The following KCNH4 variants were observed in gnomAD, a reference collection of about 807,000 sequenced individuals.
The protein encoded by KCNH4 is potassium voltage-gated channel subfamily H member 4, also known as voltage-gated delayed rectifier potassium channel KCNH4.
KCNH4 carries 33 observed loss-of-function variants against 90.7 expected under a neutral mutation model. The observed-to-expected ratio is 0.36, with a 90% CI of 0.28 to 0.49. The LOEUF is 0.49. Among genes scored for constraint, KCNH4 ranks in the 20% least tolerant of loss-of-function variants. KCNH4 has a pLI of 0.98. For synonymous variants in KCNH4, 551 were observed against 581.7 expected (o/e 0.95, Z 0.76); for missense variants, 1,044 against 1,387.1 (o/e 0.75, Z 3.93).
chr17:42,172,185 T>G (rs1598274708), intron 6 of KCNH4, among the ~76,000 whole-genome samples, 190 bp from the exon 7 acceptor site: 1 of 149,974 alleles, frequency 6.7e-6, no homozygotes, highest in Non-Finnish European at 1.5e-5. Flanking sequence ...AAACAAACAG[T>G]GGCTAACACT....
chr17:42,178,297 AC>A (rs1193245357), intron 3 of KCNH4, 33 bp downstream of exon 3: 2 of 1,614,078 alleles, frequency 1.2e-6, no homozygotes, highest in African/African-American at 2.7e-5. Flanking sequence ...AAGGCTTCTG[AC>A]CATTCACACT....
chr17:42,163,687 G>C lies in KCNH4; in HGVS notation c.2396C>G (p.Pro799Arg). The change falls in exon 13 of 17, where the codon CCC becomes CGC. Residue 799 changes from proline to arginine, a missense_variant. Transcript: ENST00000264661. This position sits in a 1 kb window ranked among gnomAD's most constrained non-coding sequence, Gnocchi z 5.4. ...QGHSASPHGP[P>R]RCSAAWKPPQ... ...GGGCTTCCAGGCAGCAGAGCACCTG[G>C]GGGGGCCGTGAGGGGAGGCACTGTG... 6 of 1,512,334 alleles carry C rather than the reference G, an allele frequency of 4.0e-6. No homozygotes were observed. Among genetic ancestry groups the C allele is most frequent in the Non-Finnish European group, 5.3e-6 (6 of 1,131,352 alleles). The allele number at this position is 1,512,334 out of a possible 1,614,324, so 93.7% of individuals were successfully genotyped here.
Position 42,166,400 on chromosome 17 carries a change from C to T in KCNH4, c.1737G>A (p.Pro579=), listed in dbSNP as rs768426723. The part of the protein sequence containing the change: ...SLHIKTSFCA[P]GEYLLRRGDA... ...CCCCACGGCGCAACAGGTACTCGCCCGGAGCGCAGAACGAGGTCTTGATGT... is the reference window on the plus strand; with the variant it reads ...CCCCACGGCGCAACAGGTACTCGCCTGGAGCGCAGAACGAGGTCTTGATGT... The change falls in exon 10 of 17, where the codon CCG becomes CCA. Residue 579 remains proline, a synonymous_variant. Transcript: ENST00000264661. The T allele has an allele frequency of 1.9e-5, 30 of 1,613,854 alleles. No individual in the cohort carries two copies. The highest frequency in any genetic ancestry group is 2.3e-5 in the Non-Finnish European group (27 of 1,179,940).
At chr17:42,175,138 G>A (rs138876845) in intron 6 of KCNH4, among the ~76,000 whole-genome samples, 1 of 152,286 alleles carries the variant, frequency 6.6e-6, no homozygotes, top group East Asian at 1.9e-4. Context: ...CACCTCTTCT[G>A]TCCCTGATGT....
chr17:42,179,084 T>C (rs895887748), intron 1 of KCNH4, 58 bp from the exon 2 acceptor site: 2 of 1,277,902 alleles, frequency 1.6e-6, no homozygotes, highest in African/African-American at 1.5e-5. Flanking sequence ...AGCTTCCAGG[T>C]GGGCAGCACT....
At chr17:42,175,916 T>A in intron 5 of KCNH4, 138 bp downstream of exon 5, 1 of 1,224,758 alleles carries the variant, frequency 8.2e-7, no homozygotes, top group East Asian at 2.3e-5. Flanking sequence ...GCAGGACACA[T>A]GGGCCATTGG....
Position 42,163,281 on chromosome 17 carries a change from C to A in KCNH4, c.2531G>T (p.Arg844Leu), listed in dbSNP as rs769396326. 6.2e-7 allele frequency: 1 copy of A among 1,614,098 alleles called. No individual in the cohort carries two copies. Among genetic ancestry groups the A allele is most frequent in the Non-Finnish European group, 8.5e-7 (1 of 1,180,014 alleles). Residue 844 changes from arginine (R) to leucine (L), a missense_variant, in exon 14 of 17, where the codon CGA becomes CTA. Physicochemically the swap from Arg to Leu is moderately radical, Grantham distance 102. Around this residue, in one of 4 missense-constraint regions of KCNH4, gnomAD observed 441 missense variants for 512.3 expected, o/e 0.86. Transcript: ENST00000264661. This position sits in a 1 kb window ranked among gnomAD's most constrained non-coding sequence, Gnocchi z 5.4. ...TGGCAGTTCAGGCCTCCTGCTGAATCGGAATGAAGGGGCCTCAGCTGTGCT... is the reference window on the plus strand; with the variant it reads ...TGGCAGTTCAGGCCTCCTGCTGAATAGGAATGAAGGGGCCTCAGCTGTGCT... Reference protein sequence around the residue: ...SGSTAEAPSFRFSRRPELPRP... With the variant: ...SGSTAEAPSFLFSRRPELPRP...
chr17:42,175,936 A>G (rs1185696588), intron 5 of KCNH4, 118 bp downstream of exon 5: 15 of 1,316,960 alleles, frequency 1.1e-5, no homozygotes, highest in Non-Finnish European at 1.5e-5. Flanking sequence ...GGACTTAAAG[A>G]TGCAGAAAGG....
chr17:42,158,031 C>T (rs1234434146), intron 16 of KCNH4, among the ~76,000 whole-genome samples: 1 of 151,996 alleles, frequency 6.6e-6, no homozygotes, highest in African/African-American at 2.4e-5. Flanking sequence ...CAGGTTCAAG[C>T]GATTCTCCTG....
intron 4 of KCNH4, 78 bp downstream of exon 4, chr17:42,178,022 G>T: frequency 6.4e-7 from 1 of 1,553,184 alleles, no homozygotes; most frequent in South Asian, 1.2e-5. Flanking sequence ...AGACAGGGAA[G>T]TGGGGAGACA....
intron 15 of KCNH4, among the ~76,000 whole-genome samples, chr17:42,160,866 A>G (rs1420234716): frequency 6.6e-6 from 1 of 151,644 alleles, no homozygotes; most frequent in Admixed American, 6.6e-5. Context: ...CCCAATCCTA[A>G]GAGGCCCAGA....
intron 6 of KCNH4, among the ~76,000 whole-genome samples, chr17:42,172,346 G>T (rs1002074002): frequency 2.0e-5 from 3 of 151,634 alleles, no homozygotes; most frequent in African/African-American, 7.3e-5. Flanking sequence ...GCTAATTTTT[G>T]TATTTGTAGT....
chr17:42,170,843 G>A (rs948649739), intron 7 of KCNH4, among the ~76,000 whole-genome samples: 5 of 152,214 alleles, frequency 3.3e-5, no homozygotes, highest in African/African-American at 4.8e-5. Flanking sequence ...GGCAGGGAAC[G>A]GAAAATCCAT....
rs944294718 is a variant in KCNH4 at position 42,163,147 on chromosome 17, A to G, written c.2584+81T>C. 3 of 947,036 alleles carry G rather than the reference A, an allele frequency of 3.2e-6. No individual in the cohort carries two copies. The Admixed American group carries it at 5.2e-5, about 17-fold the overall frequency. 58.7% of individuals were successfully genotyped at this position (947,036 alleles called of 1,614,324 possible). ...CCCAGGATGGCACCTGGCACATGGT[A>G]GGCCCCTACTACATATGGGATGGAT... On this transcript the variant is annotated intron_variant, in intron 14 of 16. Coordinates refer to ENST00000264661, the MANE Select transcript of KCNH4 (RefSeq NM_012285.3). This position sits in a 1 kb window ranked among gnomAD's most constrained non-coding sequence, Gnocchi z 5.4.
At chr17:42,175,841 G>A in intron 5 of KCNH4, 105 bp from the exon 6 acceptor site, 1 of 1,413,168 alleles carries the variant, frequency 7.1e-7, no homozygotes. Context: ...CAGGCATGGA[G>A]AGATAGATTG....
Position 42,163,482 on chromosome 17 carries a change from G to T in KCNH4, c.2477+124C>A. ...TTGGGGTTGCAAGCTGTGGTTGGAA[G>T]GGTGCGGTGGGCACACGGGCAGAGA... On this transcript the variant is annotated intron_variant, in intron 13 of 16. Transcript: ENST00000264661. The surrounding 1 kb of genome is among the most constrained non-coding windows in gnomAD (Gnocchi z 5.4). The T allele has an allele frequency of 1.3e-6, 1 of 747,644 alleles. No individual in the cohort carries two copies. The allele number at this position is 747,644 out of a possible 1,614,324, so 46.3% of individuals were successfully genotyped here.
chr17:42,165,799 G>T, intron 10 of KCNH4, 106 bp from the exon 11 acceptor site: 1 of 1,352,346 alleles, frequency 7.4e-7, no homozygotes, highest in Non-Finnish European at 1.0e-6. Context: ...TTGAAGGATG[G>T]TTGAAGGTGG....
chr17:42,179,117 TCA>T (rs905113553), intron 1 of KCNH4, 91 bp from the exon 2 acceptor site: 1 of 868,938 alleles, frequency 1.2e-6, no homozygotes, highest in South Asian at 1.6e-5. Context: ...GGGTTAGAAG[TCA>T]CAGAGCCAGA....
At position 42,163,262 on chromosome 17, in the gene KCNH4, T is replaced by C. The variant is rs1005916591; in HGVS notation, c.2550A>G (p.Glu850=). The C allele has an allele frequency of 6.2e-7, 1 of 1,614,088 alleles. No homozygotes were observed. The highest frequency in any genetic ancestry group is 8.5e-7 in the Non-Finnish European group (1 of 1,179,974). ...APSFRFSRRP[E]LPRPRSQAPP... is the part of the protein sequence containing the mutation. Reference sequence around the variant, plus strand: ...GCGCCTGGGAGCGGGGCCTTGGCAGTTCAGGCCTCCTGCTGAATCGGAATG... The same window carrying C: ...GCGCCTGGGAGCGGGGCCTTGGCAGCTCAGGCCTCCTGCTGAATCGGAATG... The change falls in exon 14 of 17, where the codon GAA becomes GAG. Residue 850 remains glutamate (E), a synonymous_variant. Coordinates refer to ENST00000264661, the MANE Select transcript of KCNH4 (RefSeq NM_012285.3). This position sits in a 1 kb window ranked among gnomAD's most constrained non-coding sequence, Gnocchi z 5.4.
Sources: gnomAD v4.1 joint callset for allele counts (sites outside exome capture counted in the v4.1 genomes callset) on GRCh38, gnomAD v4.1.1 for gene constraint, gnomAD v4.1.1 regional missense constraint, Gnocchi (gnomAD v3.1) non-coding constraint, MANE v1.5 for transcripts, NCBI Gene and HGNC (gene_info 2026-07-23, HGNC 2026-07-21) for gene names.